The following CDHR2 variants were observed in gnomAD, a reference collection of about 807,000 sequenced individuals.
The protein encoded by CDHR2 is cadherin related family member 2, also known as cadherin-related family member 2.
CDHR2 carries 104 observed loss-of-function variants against 138.6 expected under a neutral mutation model. The observed-to-expected ratio is 0.75, with a 90% CI of 0.64 to 0.88. The LOEUF (loss-of-function observed/expected upper bound fraction) is 0.88. Among genes scored for constraint, CDHR2 ranks in the 40% least tolerant of loss-of-function variants. CDHR2 has a pLI of 0.00. For synonymous variants in CDHR2, 755 were observed against 742.8 expected, an observed-to-expected ratio of 1.02 and a Z score of -0.27; for missense variants, 1,624 against 1,727.6, an observed-to-expected ratio of 0.94 and a Z score of 1.06.
At chr5:176,594,026 TG>T (rs1758954533) in intron 31 of CDHR2, among the ~76,000 whole-genome samples, 1 of 152,134 alleles carries the variant, frequency 6.6e-6, no homozygotes, top group African/African-American at 2.4e-5. Context: ...CTGGAGTGCA[TG>T]GCCTGTGGCA....
chr5:176,568,980 C>T lies in CDHR2; in HGVS notation c.285C>T (p.Val95=). Reference sequence around the variant, plus strand: ...TGCAGACACTCTACACATTCAAAGTCACCATCTCCGTGAGCGACCCCTACA... The same window carrying T: ...TGCAGACACTCTACACATTCAAAGTTACCATCTCCGTGAGCGACCCCTACA... ...LDYETLYTFK[V]TISVSDPYIQ... The change falls in exon 5 of 32, where the codon GTC becomes GTT. Residue 95 remains valine, a synonymous_variant. Transcript: ENST00000261944. The T allele has an allele frequency of 6.2e-7, 1 of 1,614,160 alleles. No individual in the cohort carries two copies. The highest frequency in any genetic ancestry group is 8.5e-7 in the Non-Finnish European group (1 of 1,180,016).
chr5:176,580,590 G>T (rs1033682436), intron 16 of CDHR2, among the ~76,000 whole-genome samples: 70 of 151,912 alleles, frequency 4.6e-4, no homozygotes, highest in Non-Finnish European at 9.4e-4. Flanking sequence ...CAAAAGAAGG[G>T]CCAGACGTGG....
intron 30 of CDHR2, among the ~76,000 whole-genome samples, chr5:176,592,120 G>C (rs1488293201): frequency 1.4e-5 from 2 of 139,516 alleles, no homozygotes; most frequent in African/African-American, 5.4e-5. Context: ...GGTGATGGTA[G>C]TGATGGTGAT....
rs765341274 is a variant in CDHR2, at chr5:176,581,508, G to A, written c.1984G>A (p.Val662Met). 6.2e-7 allele frequency: 1 copy of A among 1,614,152 alleles called. No homozygotes were observed. Among genetic ancestry groups the A allele is most frequent in the Admixed American group, 1.7e-5 (1 of 60,028 alleles). Residue 662 changes from valine to methionine, a missense_variant, in exon 17 of 32, where the codon GTG (valine) becomes ATG (methionine). By Grantham distance (21) the Val-to-Met change is conservative (BLOSUM62 1). Coordinates refer to ENST00000261944, the MANE Select transcript of CDHR2 (RefSeq NM_017675.6). The stretch of plus-strand genomic sequence containing the variant: ...CGACCCCGCCCTGGAGGGCCGCATT[G>A]TGCTGACAGTGCTTGTGTCTGACTG... ...AIDPALEGRIVLTVLVSDCGE... is the reference protein window; with the variant it reads ...AIDPALEGRIMLTVLVSDCGE...
Position 176,577,719 on chromosome 5 carries a change from C to T in CDHR2, c.1433C>T (p.Pro478Leu), listed in dbSNP as rs772741696. ...IHLRDINDHRPTFPQSLYVLT... is the reference protein window; with the variant it reads ...IHLRDINDHRLTFPQSLYVLT... ...CTTAGAGACATTAATGACCACAGGC[C>T]CACGTTTCCCCAGAGCTTGTACGTC... The change falls in exon 14 of 32, where the codon CCC becomes CTC. Residue 478 changes from proline (P) to leucine (L), a missense_variant. Physicochemically the swap from Pro to Leu is moderately conservative, Grantham distance 98. Transcript: ENST00000261944. 9 of 1,614,224 alleles carry T rather than the reference C, an allele frequency of 5.6e-6. No individual in the cohort carries two copies. In the South Asian group the frequency reaches 6.6e-5, roughly 12 times the overall value.
chr5:176,550,161 G>A (rs1343099872), intron 1 of CDHR2, among the ~76,000 whole-genome samples: 2 of 152,240 alleles, frequency 1.3e-5, no homozygotes, highest in Non-Finnish European at 2.9e-5. Flanking sequence ...CCGAGGTCCG[G>A]CAGATGGAAA....
At position 176,555,620 on chromosome 5, in the gene CDHR2, G is replaced by A. The variant is rs79280559; in HGVS notation, c.-16+6206G>A. On this transcript the variant is annotated intron_variant, in intron 1 of 31. Coordinates refer to ENST00000261944, the MANE Select transcript of CDHR2 (RefSeq NM_017675.6). ...ACTCCCCTGCTTAAAACTCTGAAAT[G>A]GGCCAAGTGCAGTGGATGGCTCACG... Among the ~76,000 whole-genome samples the A allele has an allele frequency of 7.1e-3, 1,080 of 152,228 alleles. 16 individuals are homozygous for A. The highest frequency in any genetic ancestry group is 0.025 in the African/African-American group (1,022 of 41,542).
chr5:176,588,526 AGTGT>A (rs1179578071), intron 21 of CDHR2, among the ~76,000 whole-genome samples: 1 of 127,538 alleles, frequency 7.8e-6, no homozygotes, highest in Non-Finnish European at 1.7e-5. Flanking sequence ...CATGTGTGTG[AGTGT>A]GTTAGGGTGA....
At chr5:176,561,294 A>G (rs6887773) in intron 1 of CDHR2, among the ~76,000 whole-genome samples, 143,787 of 152,174 alleles carry the variant, frequency 0.94, 68,434 homozygotes, top group East Asian at 1. Context: ...TCAGGTCCAC[A>G]TACCACATTA....
intron 3 of CDHR2, among the ~76,000 whole-genome samples, chr5:176,568,425 G>C (rs1438329090): frequency 1.3e-5 from 2 of 152,258 alleles, no homozygotes; most frequent in Non-Finnish European, 2.9e-5. Flanking sequence ...AGGGCCACAG[G>C]CTTGGCAAGG....
At chr5:176,571,694 G>A (rs750405468) in intron 6 of CDHR2, among the ~76,000 whole-genome samples, 18 of 151,956 alleles carry the variant, frequency 1.2e-4, no homozygotes, top group Non-Finnish European at 2.1e-4. Flanking sequence ...CCGCCACCTC[G>A]CCCGCCTAAT....
rs755427200 is a variant in CDHR2, at chr5:176,590,104, C to T, written c.3233C>T (p.Thr1078Ile). 12 of 1,613,832 alleles carry T rather than the reference C, an allele frequency of 7.4e-6. No homozygotes were observed. In the East Asian group the frequency reaches 1.1e-4, roughly 15 times the overall value. The change falls in exon 25 of 32, where the codon ACA becomes ATA. Residue 1078 changes from threonine to isoleucine, a missense_variant. By Grantham distance (89) the Thr-to-Ile change is moderately conservative. Coordinates refer to ENST00000261944, the MANE Select transcript of CDHR2 (RefSeq NM_017675.6). ...NAALTQATRT[T>I]VYIVDIQDID... is the part of the protein sequence containing the mutation. ...GCTCTTACCCAGGCAACCAGGACTA[C>T]AGTATACATTGTGGACATTCAGGAC...
chr5:176,569,429 G>A (rs1230983204), intron 5 of CDHR2, among the ~76,000 whole-genome samples: 1 of 151,742 alleles, frequency 6.6e-6, no homozygotes, highest in East Asian at 1.9e-4. Context: ...GACTACAGGC[G>A]CCAGCCACCA....
At chr5:176,562,670 G>C (rs1757991705) in intron 1 of CDHR2, among the ~76,000 whole-genome samples, 1 of 152,164 alleles carries the variant, frequency 6.6e-6, no homozygotes, top group Admixed American at 6.5e-5. Context: ...TAGAAAAAGA[G>C]AGGGGACCAT....
At position 176,595,627 on chromosome 5, in the gene CDHR2, G is replaced by A; in HGVS notation, c.3888G>A (p.Glu1296=). 2 of 1,612,132 alleles carry A rather than the reference G, an allele frequency of 1.2e-6. No individual in the cohort carries two copies. Among genetic ancestry groups the A allele is most frequent in the East Asian group, 2.2e-5 (1 of 44,654 alleles). The change falls in exon 32 of 32, where the codon GAG becomes GAA. Residue 1296 remains glutamate (E), a synonymous_variant. Transcript: ENST00000261944. ...AGGCAGGCGCAAGTGGACAGCTGGA[G>A]GGGCCATCCTACACCAACGCTGGCC... is the stretch of plus-strand genomic sequence containing the variant. ...GRQAGASGQL[E]GPSYTNAGLD... is the part of the protein sequence containing the mutation.
chr5:176,574,235 A>G, intron 7 of CDHR2, 63 bp downstream of exon 7: 1 of 1,210,322 alleles, frequency 8.3e-7, no homozygotes, highest in Non-Finnish European at 1.2e-6. Flanking sequence ...TCCACAGACA[A>G]CCCACAGGGC....
intron 1 of CDHR2, among the ~76,000 whole-genome samples, chr5:176,564,132 T>TGGG (rs1312329141): frequency 6.6e-6 from 1 of 152,152 alleles, no homozygotes; most frequent in Non-Finnish European, 1.5e-5. Context: ...ACAAAACGTG[T>TGGG]GGGGGCCCAT....
Position 176,592,154 on chromosome 5 carries a change from CAA to C in CDHR2, c.3735-568_3735-567del, listed in dbSNP as rs1758883644. On this transcript the variant is annotated intron_variant, in intron 30 of 31. Coordinates refer to ENST00000261944, the MANE Select transcript of CDHR2 (RefSeq NM_017675.6). ...ATGGTGGTGATGATGGTGATGATGA[CAA>C]TGATGATGGTGGTGGTGGTGTTGGT... Among the ~76,000 whole-genome samples, 7 of 92,924 alleles carry C rather than the reference CAA, an allele frequency of 7.5e-5. No homozygotes were observed. The South Asian group carries it at 2.6e-3, about 35-fold the overall frequency. The allele number at this position is 92,924 out of a possible 152,430, so 61.0% of individuals were successfully genotyped here.
chr5:176,579,892 G>A (rs973608615), intron 16 of CDHR2, among the ~76,000 whole-genome samples: 29 of 152,280 alleles, frequency 1.9e-4, no homozygotes, highest in African/African-American at 5.5e-4. Flanking sequence ...GGAAGAGGGC[G>A]TCAGACAGTC....
Sources: gnomAD v4.1 joint callset for allele counts (sites outside exome capture counted in the v4.1 genomes callset) on GRCh38, gnomAD v4.1.1 for gene constraint, MANE v1.5 for transcripts, NCBI Gene and HGNC (gene_info 2026-07-23, HGNC 2026-07-21) for gene names.